COL22A1: variants seen among roughly 807,000 people sequenced by gnomAD.
The protein encoded by COL22A1 is collagen alpha-1(XXII) chain.
COL22A1 carries 221 observed loss-of-function variants against 248.9 expected under a neutral mutation model. That is an observed-to-expected ratio of 0.89 (90% CI 0.80 to 0.99). The LOEUF is 0.99. Ranked by LOEUF, COL22A1 falls within the 50% of genes least tolerant of loss-of-function variation. The pLI is 0.00. For synonymous variants in COL22A1, 891 were observed against 793.4 expected (o/e 1.12, Z -2.07); for missense variants, 2,240 against 2,179.0 (o/e 1.03, Z -0.56).
chr8:138,737,454 T>C, intron 23 of COL22A1, 70 bp downstream of exon 23: 2 of 1,145,230 alleles, frequency 1.7e-6, no homozygotes, highest in Admixed American at 1.7e-5. Context: ...ACCTGAGAGC[T>C]GCTGCCTGGT....
At chr8:138,801,869 A>G (rs1817027652) in intron 11 of COL22A1, among the ~76,000 whole-genome samples, 1 of 147,680 alleles carries the variant, frequency 6.8e-6, no homozygotes, top group Non-Finnish European at 1.5e-5. Flanking sequence ...GACAAGAGCA[A>G]GACTTTATCT....
intron 39 of COL22A1, 33 bp downstream of exon 39, chr8:138,684,392 T>C (rs4506262): frequency 1 from 1,512,040 of 1,515,788 alleles, 754,213 homozygotes; most frequent in East Asian, 1. Context: ...CGGCAACTCG[T>C]GGCACCCACA....
At chr8:138,746,650 G>A (rs1310413968) in intron 22 of COL22A1, among the ~76,000 whole-genome samples, 1 of 152,172 alleles carries the variant, frequency 6.6e-6, no homozygotes. Flanking sequence ...AAGACAAGCG[G>A]GGAGCCATCC....
intron 4 of COL22A1, among the ~76,000 whole-genome samples, chr8:138,833,917 G>A (rs560844423): frequency 1.3e-5 from 2 of 152,266 alleles, no homozygotes; most frequent in South Asian, 4.2e-4. Context: ...CAGCAATGAT[G>A]CCTACTGGGT....
chr8:138,844,257 C>T (rs763323745), intron 3 of COL22A1, 99 bp from the exon 4 acceptor site: 14 of 1,076,400 alleles, frequency 1.3e-5, no homozygotes, highest in Non-Finnish European at 1.9e-5. Context: ...TGCCTTGCAG[C>T]ATGTGAGGTG....
At chr8:138,787,358 G>A (rs1301128791) in intron 12 of COL22A1, among the ~76,000 whole-genome samples, 3 of 152,164 alleles carry the variant, frequency 2.0e-5, no homozygotes, top group African/African-American at 7.2e-5. Context: ...GAGAGGGTCT[G>A]ATCTGCATGC....
chr8:138,720,734 C>A lies in COL22A1; in HGVS notation c.2355+5G>T. ...CATAATGGGAAAAAGAGGCAAAGTC[C>A]ATACCCGAAGGCCTGGTTTTCCAGG... On this transcript the variant is annotated splice_donor_5th_base_variant and intron_variant, in intron 27 of 64. Coordinates refer to ENST00000303045, the MANE Select transcript of COL22A1 (RefSeq NM_152888.3). 1.2e-5 allele frequency: 19 copies of A among 1,612,928 alleles called. No individual in the cohort carries two copies. Among genetic ancestry groups the A allele is most frequent in the African/African-American group, 2.7e-5 (2 of 75,018 alleles).
At position 138,589,105 on chromosome 8, in the gene COL22A1, T is replaced by C; in HGVS notation, c.*148A>G. On this transcript the variant is annotated 3_prime_UTR_variant, in exon 65 of 65. Coordinates refer to ENST00000303045, the MANE Select transcript of COL22A1 (RefSeq NM_152888.3). ...TTGGATTTAATAATTTTGAGGTCTC[T>C]CAAGAAAATAAAACAAAAAGCAAAC... The C allele has an allele frequency of 2.8e-6, 2 of 726,046 alleles. No individual in the cohort carries two copies. The highest frequency in any genetic ancestry group is 3.6e-5 in the South Asian group (2 of 55,942). 45.0% of individuals were successfully genotyped at this position (726,046 alleles called of 1,614,324 possible).
intron 56 of COL22A1, among the ~76,000 whole-genome samples, chr8:138,612,258 GAC>G (rs1453866366): frequency 6.6e-6 from 1 of 152,092 alleles, no homozygotes; most frequent in Non-Finnish European, 1.5e-5. Context: ...TATATAGAGA[GAC>G]ACAGATATCA....
At chr8:138,751,324 A>T in intron 22 of COL22A1, 134 bp downstream of exon 22, 1 of 634,850 alleles carries the variant, frequency 1.6e-6, no homozygotes, top group Non-Finnish European at 2.7e-6. Context: ...AACTGAATCC[A>T]ACCCTTCATT....
At chr8:138,715,657 C>T in intron 30 of COL22A1, 25 bp downstream of exon 30, 1 of 1,582,946 alleles carries the variant, frequency 6.3e-7, no homozygotes, top group Non-Finnish European at 8.6e-7. Flanking sequence ...AATTGATGGT[C>T]AGAATGAGAG....
intron 1 of COL22A1, among the ~76,000 whole-genome samples, chr8:138,902,673 T>C (rs1404164564): frequency 6.8e-6 from 1 of 147,002 alleles, no homozygotes; most frequent in Non-Finnish European, 1.5e-5. Flanking sequence ...ACCATTGCAC[T>C]CCAGCCTGGG....
At chr8:138,675,029 A>G (rs1438816965) in intron 41 of COL22A1, among the ~76,000 whole-genome samples, 3 of 152,244 alleles carry the variant, frequency 2.0e-5, no homozygotes, top group East Asian at 3.8e-4. Flanking sequence ...CAGTTTAACC[A>G]AACTAGACAT....
intron 1 of COL22A1, among the ~76,000 whole-genome samples, chr8:138,883,706 C>A (rs1442166084): frequency 6.6e-6 from 1 of 151,948 alleles, no homozygotes; most frequent in Non-Finnish European, 1.5e-5. Flanking sequence ...GTAGTTCTTC[C>A]TGCTCTCTCA....
rs1193223000 is a variant in COL22A1, at chr8:138,826,768, G to C, written c.859C>G (p.Gln287Glu). The C allele has an allele frequency of 2.5e-6, 4 of 1,614,058 alleles. No individual in the cohort carries two copies. The highest frequency in any genetic ancestry group is 1.7e-4 in the Middle Eastern group (1 of 6,056). Reference protein sequence around the residue: ...VVQSTEDVFPQGLPDEYAFVT... With the variant: ...VVQSTEDVFPEGLPDEYAFVT... ...AAGGCGTACTCATCAGGTAAACCTT[G>C]GGGGAACACATCCCTGGAGAAAAAT... The change falls in exon 6 of 65, where the codon CAA becomes GAA. Residue 287 changes from glutamine to glutamate, a missense_variant. By Grantham distance (29) the Gln-to-Glu change is conservative (BLOSUM62 2). Coordinates refer to ENST00000303045, the MANE Select transcript of COL22A1 (RefSeq NM_152888.3).
intron 22 of COL22A1, among the ~76,000 whole-genome samples, chr8:138,747,331 T>G (rs1192126276): frequency 2.0e-5 from 3 of 152,202 alleles, no homozygotes; most frequent in Non-Finnish European, 4.4e-5. Context: ...TCATAAAACA[T>G]TTTTTTCATC....
chr8:138,770,228 C>A (rs919234137), intron 16 of COL22A1, among the ~76,000 whole-genome samples: 14 of 152,188 alleles, frequency 9.2e-5, no homozygotes, highest in Non-Finnish European at 1.8e-4. Flanking sequence ...AGCCACCCAA[C>A]GTTGTCTGGG....
In COL22A1 at chr8:138,821,293, T is replaced by G. The variant is rs367669149; in HGVS notation, c.1088A>C (p.Asp363Ala). ...GSRVNDLFDRDWHKMALSIQA... is the reference protein window; with the variant it reads ...GSRVNDLFDRAWHKMALSIQA... ...GATGCTCAGGGCCATCTTGTGCCAG[T>G]CCCGGTCAAAGAGGTCATTGACCCG... The change falls in exon 7 of 65, where the codon GAC becomes GCC. Residue 363 changes from aspartate (D) to alanine (A), a missense_variant. By Grantham distance (126) the Asp-to-Ala change is moderately radical. Coordinates refer to ENST00000303045, the MANE Select transcript of COL22A1 (RefSeq NM_152888.3). 12 of 1,614,034 alleles carry G rather than the reference T, an allele frequency of 7.4e-6. No homozygotes were observed. The African/African-American group carries it at 1.5e-4, about 20-fold the overall frequency.
intron 53 of COL22A1, among the ~76,000 whole-genome samples, chr8:138,619,197 T>C (rs1220156727): frequency 1.3e-5 from 2 of 152,200 alleles, no homozygotes; most frequent in African/African-American, 4.8e-5. Flanking sequence ...AGAAAACCCA[T>C]TGAAATTATA....
Sources: gnomAD v4.1 joint callset for allele counts (sites outside exome capture counted in the v4.1 genomes callset) on GRCh38, gnomAD v4.1.1 for gene constraint, MANE v1.5 for transcripts, NCBI Gene and HGNC (gene_info 2026-07-23, HGNC 2026-07-21) for gene names.